WSCD1: variants seen among roughly 807,000 people sequenced by gnomAD.
The protein encoded by WSCD1 is sialate:O-sulfotransferase 1.
WSCD1 carries 41 observed loss-of-function variants against 60.4 expected under a neutral mutation model. That is an observed-to-expected ratio of 0.68 (90% confidence interval 0.53 to 0.88). The LOEUF is 0.88. Ranked by LOEUF, WSCD1 falls within the 40% of genes least tolerant of loss-of-function variation. WSCD1 has a pLI of 0.00. For missense variants in WSCD1, 784 were observed against 796.2 expected (o/e 0.98, Z 0.18); for synonymous variants, 361 against 332.5 (o/e 1.09, Z -0.93).
At chr17:6,105,786 G>A (rs1167683161) in intron 5 of WSCD1, among the ~76,000 whole-genome samples, 2 of 152,208 alleles carry the variant, frequency 1.3e-5, no homozygotes, top group East Asian at 1.9e-4. Context: ...CGGAGCCAGC[G>A]TGCCTTGAGT....
In WSCD1 at chr17:6,080,460, G is replaced by A. The variant is rs1909158704; in HGVS notation, c.-199G>A. ...AGAGGCTGCAGCTGCAGGACCCTGTGGCCACTGGAGATAAGTAATGGTGCC... is the reference window on the plus strand; with the variant it reads ...AGAGGCTGCAGCTGCAGGACCCTGTAGCCACTGGAGATAAGTAATGGTGCC... On this transcript the variant is annotated 5_prime_UTR_variant, in exon 2 of 9. Coordinates refer to ENST00000317744, the MANE Select transcript of WSCD1 (RefSeq NM_015253.2). This position sits in a 1 kb window ranked among gnomAD's most constrained non-coding sequence, Gnocchi z 6.6. 3.4e-6 allele frequency: 2 copies of A among 594,244 alleles called. No homozygotes were observed. Among genetic ancestry groups the A allele is most frequent in the Admixed American group, 3.2e-5 (1 of 31,640 alleles). The allele number at this position is 594,244 out of a possible 1,614,324, so 36.8% of individuals were successfully genotyped here.
At chr17:6,100,989 T>C (rs1209203471) in intron 5 of WSCD1, among the ~76,000 whole-genome samples, 2 of 152,214 alleles carry the variant, frequency 1.3e-5, no homozygotes, top group Non-Finnish European at 2.9e-5. Context: ...GAAGTTGATC[T>C]GACCCAGACC....
At chr17:6,112,399 A>G (rs749213585) in intron 7 of WSCD1, among the ~76,000 whole-genome samples, 4 of 152,244 alleles carry the variant, frequency 2.6e-5, no homozygotes, top group Non-Finnish European at 5.9e-5. Context: ...CTGAAACAAG[A>G]CAAGGATGCC....
At chr17:6,069,893 TG>T (rs1249418177), upstream of WSCD1, among the ~76,000 whole-genome samples, 1 of 151,600 alleles carries the variant, frequency 6.6e-6, no homozygotes, top group Admixed American at 6.6e-5. Flanking sequence ...TGGCCCAGTC[TG>T]CTTCTGGGTG....
chr17:6,095,136 G>A lies in WSCD1; in HGVS notation c.762G>A (p.Leu254=). Residue 254 remains leucine, a synonymous_variant, in exon 5 of 9, where the codon CTG becomes CTA. Transcript: ENST00000317744. ...CCACCTACCGCGGATGCTTCCGACTGCCAGAGAACATCACACATGCCTTCC... is the reference window on the plus strand; with the variant it reads ...CCACCTACCGCGGATGCTTCCGACTACCAGAGAACATCACACATGCCTTCC... ...RTATYRGCFR[L]PENITHAFPS... The A allele has an allele frequency of 6.2e-7, 1 of 1,613,580 alleles. No homozygotes were observed. Among genetic ancestry groups the A allele is most frequent in the Non-Finnish European group, 8.5e-7 (1 of 1,179,784 alleles).
In WSCD1 at chr17:6,080,197, T is replaced by A. The variant is rs1380447461; in HGVS notation, c.-288-174T>A. The A allele has an allele frequency of 5.6e-6, 1 of 179,052 alleles. No homozygotes were observed. The highest frequency in any genetic ancestry group is 2.4e-5 in the African/African-American group (1 of 41,650). The allele number at this position is 179,052 out of a possible 1,614,324, so 11.1% of individuals were successfully genotyped here. A position where few individuals can be genotyped will look rare whatever the true frequency, so the allele number is the denominator to read the frequency against. On this transcript the variant is annotated intron_variant, in intron 1 of 8. Transcript: ENST00000317744. This position sits in a 1 kb window ranked among gnomAD's most constrained non-coding sequence, Gnocchi z 6.6. ...CAGCAAGGTTAAGCAACCTACCCAG[T>A]GTCACACAGCTGGCCAGTAACAAAG... is the stretch of plus-strand genomic sequence containing the variant.
chr17:6,110,812 A>G lies in WSCD1; in HGVS notation c.1051A>G (p.Lys351Glu). The change falls in exon 7 of 9, where the codon AAA (lysine) becomes GAA (glutamate). Residue 351 changes from lysine (K) to glutamate (E), a missense_variant. By Grantham distance (56) the Lys-to-Glu change is moderately conservative. Transcript: ENST00000317744. This position sits in a 1 kb window ranked among gnomAD's most constrained non-coding sequence, Gnocchi z 4.8. Reference protein sequence around the residue: ...TDRRFLPNKSKVFVALSSFPG... With the variant: ...TDRRFLPNKSEVFVALSSFPG... ...CAGGAGGTTCCTGCCTAACAAATCCAAAGTGTTTGTGGCTTTGTCAAGCTT... is the reference window on the plus strand; with the variant it reads ...CAGGAGGTTCCTGCCTAACAAATCCGAAGTGTTTGTGGCTTTGTCAAGCTT... 6.2e-7 allele frequency: 1 copy of G among 1,614,028 alleles called. No homozygotes were observed. The highest frequency in any genetic ancestry group is 8.5e-7 in the Non-Finnish European group (1 of 1,179,916).
At chr17:6,099,480 G>A (rs551147685) in intron 5 of WSCD1, among the ~76,000 whole-genome samples, 33 of 151,692 alleles carry the variant, frequency 2.2e-4, no homozygotes, top group Admixed American at 1.9e-3. Flanking sequence ...ACACCACCGC[G>A]CTCCAGCCTG....
chr17:6,081,127 C>T (rs1488506299), intron 2 of WSCD1, 42 bp downstream of exon 2: 1 of 1,500,140 alleles, frequency 6.7e-7, no homozygotes, highest in African/African-American at 1.4e-5. Flanking sequence ...TCCCAGGACC[C>T]CCCATTCAGG....
At chr17:6,108,282 T>C (rs1911213956) in intron 5 of WSCD1, among the ~76,000 whole-genome samples, 1 of 152,194 alleles carries the variant, frequency 6.6e-6, no homozygotes, top group Admixed American at 6.5e-5. Flanking sequence ...TTATGAGATT[T>C]TTGCTGTGAG....
At position 6,080,734 on chromosome 17, in the gene WSCD1, T is replaced by C. The variant is rs1342577723; in HGVS notation, c.76T>C (p.Tyr26His). The C allele has an allele frequency of 1.2e-6, 2 of 1,613,118 alleles. No individual in the cohort carries two copies. The highest frequency in any genetic ancestry group is 2.2e-5 in the South Asian group (2 of 91,080). ...CCTGCTGTTCTTCCTCACGGCTGCC[T>C]ACCTGATGACCGGCAGCCTGCTGCT... The part of the protein sequence containing the change: ...QFLLFFLTAA[Y>H]LMTGSLLLLQ... The change falls in exon 2 of 9, where the codon TAC (tyrosine) becomes CAC (histidine). Residue 26 changes from tyrosine to histidine, a missense_variant. By Grantham distance (83) the Tyr-to-His change is moderately conservative (BLOSUM62 2). Transcript: ENST00000317744. The surrounding 1 kb of genome is among the most constrained non-coding windows in gnomAD (Gnocchi z 6.6).
intron 5 of WSCD1, among the ~76,000 whole-genome samples, chr17:6,103,952 T>G (rs1297012833): frequency 6.6e-6 from 1 of 152,160 alleles, no homozygotes; most frequent in Non-Finnish European, 1.5e-5. Flanking sequence ...TGTTAGCCCA[T>G]TTGCATTGCT....
Position 6,088,081 on chromosome 17 carries a change from CT to C in WSCD1, c.520del (p.Cys174AlafsTer30). ...YDLRKMTVSH[C>X]QDACAERSYV... ...ACTTGAGAAAGATGACTGTCTCCCA[CT>C]GCCAGGATGCGTGTGCTGAGCGGTG... is the stretch of plus-strand genomic sequence containing the variant. On this transcript the variant is annotated frameshift_variant, in exon 3 of 9. Transcript: ENST00000317744. LOFTEE classifies it high-confidence loss of function. The C allele has an allele frequency of 6.2e-7, 1 of 1,614,200 alleles. No homozygotes were observed. The highest frequency in any genetic ancestry group is 2.2e-5 in the East Asian group (1 of 44,870).
chr17:6,080,941 C>T lies in WSCD1; in HGVS notation c.283C>T (p.Pro95Ser). ...VDMLQSPLTR[P>S]RPGPRWLRSR... Reference sequence around the variant, plus strand: ...CATGCTGCAGAGCCCCCTGACCCGGCCCCGGCCCGGCCCCCGCTGGCTCCG... The same window carrying T: ...CATGCTGCAGAGCCCCCTGACCCGGTCCCGGCCCGGCCCCCGCTGGCTCCG... Residue 95 changes from proline to serine, a missense_variant, in exon 2 of 9, where the codon CCC (proline) becomes TCC (serine). Transcript: ENST00000317744. This position sits in a 1 kb window ranked among gnomAD's most constrained non-coding sequence, Gnocchi z 6.6. 1 of 1,570,150 alleles carries T rather than the reference C, an allele frequency of 6.4e-7. No homozygotes were observed. The highest frequency in any genetic ancestry group is 8.6e-7 in the Non-Finnish European group (1 of 1,162,438).
chr17:6,086,542 C>CG (rs1290281633), intron 2 of WSCD1, among the ~76,000 whole-genome samples: 4 of 151,882 alleles, frequency 2.6e-5, no homozygotes, highest in Admixed American at 6.6e-5. Context: ...TTAGTAGAGA[C>CG]GGGGTTTCAC....
At chr17:6,111,684 G>A (rs1911418008) in intron 7 of WSCD1, among the ~76,000 whole-genome samples, 1 of 126,972 alleles carries the variant, frequency 7.9e-6, no homozygotes, top group African/African-American at 3.0e-5. Flanking sequence ...CTGGGCAACA[G>A]AGTGACACTC....
In WSCD1 at chr17:6,109,669, C is replaced by T; in HGVS notation, c.912C>T (p.Phe304=). The T allele has an allele frequency of 6.2e-7, 1 of 1,614,202 alleles. No individual in the cohort carries two copies. Among genetic ancestry groups the T allele is most frequent in the East Asian group, 2.2e-5 (1 of 44,880 alleles). Reference sequence around the variant, plus strand: ...ACTGTGCTTACCCTACCCCCCGGTTCAACCTGCGGGATGCCATGGACAGCT... The same window carrying T: ...ACTGTGCTTACCCTACCCCCCGGTTTAACCTGCGGGATGCCATGGACAGCT... ...ECYCAYPTPR[F]NLRDAMDSSV... is the part of the protein sequence containing the mutation. Residue 304 remains phenylalanine (F), a synonymous_variant, in exon 6 of 9, where the codon TTC becomes TTT. Coordinates refer to ENST00000317744, the MANE Select transcript of WSCD1 (RefSeq NM_015253.2).
At chr17:6,088,397 T>C (rs980229182) in intron 3 of WSCD1, among the ~76,000 whole-genome samples, 21 of 152,102 alleles carry the variant, frequency 1.4e-4, no homozygotes, top group Admixed American at 1.3e-3. Context: ...TGCAGGGAGA[T>C]GCGACTTCCA....
intron 6 of WSCD1, 118 bp downstream of exon 6, chr17:6,109,884 G>A: frequency 7.3e-7 from 1 of 1,378,998 alleles, no homozygotes; most frequent in Non-Finnish European, 9.8e-7. Flanking sequence ...GCATGTGTCT[G>A]TGTAAAGGTC....
Sources: allele counts gnomAD v4.1 joint callset (sites outside exome capture counted in the v4.1 genomes callset), GRCh38; gene constraint gnomAD v4.1.1; non-coding constraint Gnocchi (gnomAD v3.1); transcripts MANE v1.5; gene names NCBI Gene and HGNC (gene_info 2026-07-23, HGNC 2026-07-21).